Variants in ACOT1 observed in about 807,000 individuals in gnomAD.
The protein encoded by ACOT1 is acyl-CoA thioesterase 1.
ACOT1 carries 8 observed loss-of-function variants against 15.7 expected under a neutral mutation model. That is an observed-to-expected ratio of 0.51 (90% CI 0.30 to 0.92). The LOEUF (loss-of-function observed/expected upper bound fraction) is 0.92. ACOT1 is among the 40% of genes least tolerant of loss of function. The probability of loss-of-function intolerance (pLI) is 0.06; values close to 1 mark genes in which losing one functional copy is unlikely to be tolerated. For synonymous variants in ACOT1, 67 were observed against 241.2 expected, an observed-to-expected ratio of 0.28 and a Z score of 6.69; for missense variants, 151 against 539.4, an observed-to-expected ratio of 0.28 and a Z score of 7.13.
chr14:73,504,423 T>C, the ACOT1 span, among the ~76,000 whole-genome samples: 2 of 152,126 alleles, frequency 1.3e-5, no homozygotes, highest in African/African-American at 4.8e-5. Context: ...TTTTTATTTT[T>C]AGTAGAGACA....
At chr14:73,491,558 T>G in the ACOT1 span, 2 of 1,539,202 alleles carry the variant, frequency 1.3e-6, no homozygotes, top group Non-Finnish European at 1.7e-6. Flanking sequence ...GGAGCCGGCC[T>G]GGGACTCCCC....
the ACOT1 span, among the ~76,000 whole-genome samples, chr14:73,504,076 CT>C: frequency 0.34 from 42,836 of 127,472 alleles, 5,782 homozygotes; most frequent in Admixed American, 0.35. Flanking sequence ...TTTTGCATTT[CT>C]TTTTTTTTTT....
At chr14:73,495,671 G>T in the ACOT1 span, among the ~76,000 whole-genome samples, 2 of 152,142 alleles carry the variant, frequency 1.3e-5, no homozygotes, top group African/African-American at 4.8e-5. Context: ...TATGATATTG[G>T]TTGGAGATTT....
At chr14:73,506,804 G>GTTTTCTT in the ACOT1 span, among the ~76,000 whole-genome samples, 1 of 80,522 alleles carries the variant, frequency 1.2e-5, no homozygotes, top group Non-Finnish European at 2.2e-5. Flanking sequence ...GACTTTAACT[G>GTTTTCTT]TTTTTTTTTT....
chr14:73,507,236 G>A, the ACOT1 span, among the ~76,000 whole-genome samples: 166 of 152,288 alleles, frequency 1.1e-3, no homozygotes, highest in Middle Eastern at 3.4e-3. Context: ...TCTAGCAGAA[G>A]CAAATTCTAC....
upstream of ACOT1, among the ~76,000 whole-genome samples, chr14:73,535,493 T>C (rs1175850182): frequency 0.029 from 1,276 of 44,014 alleles, 307 homozygotes; most frequent in African/African-American, 0.12. Context: ...TTTTTTTTTT[T>C]TTTTTTTTTT....
At chr14:73,491,370 C>T in the ACOT1 span, 1 of 1,364,572 alleles carries the variant, frequency 7.3e-7, no homozygotes, top group East Asian at 3.1e-5. Context: ...CTGCAGACCC[C>T]GTCGGCGCGC....
the ACOT1 span, among the ~76,000 whole-genome samples, chr14:73,506,083 G>T: frequency 6.6e-6 from 1 of 151,454 alleles, no homozygotes; most frequent in Non-Finnish European, 1.5e-5. Flanking sequence ...TAGAGATGGA[G>T]TTTCACCATG....
At chr14:73,514,210 A>G in the ACOT1 span, 10 of 1,614,170 alleles carry the variant, frequency 6.2e-6, no homozygotes, top group Non-Finnish European at 8.5e-6. Context: ...AGTCCAGCGC[A>G]GGGCTCCTTG....
the ACOT1 span, among the ~76,000 whole-genome samples, chr14:73,504,274 G>A: frequency 6.8e-6 from 1 of 146,300 alleles, no homozygotes; most frequent in Non-Finnish European, 1.5e-5. Flanking sequence ...ACGGAGCCTC[G>A]CTCTGTTGCC....
the ACOT1 span, chr14:73,506,596 G>A: frequency 1.3e-6 from 2 of 1,527,238 alleles, no homozygotes; most frequent in Non-Finnish European, 1.8e-6. Context: ...GACTTGTATG[G>A]ATATTCACAA....
At chr14:73,500,425 C>A in the ACOT1 span, 27 of 1,044,314 alleles carry the variant, frequency 2.6e-5, no homozygotes, top group Non-Finnish European at 3.5e-5. Flanking sequence ...TTATACACCC[C>A]CTTCCCAGTT....
At chr14:73,506,422 G>T in the ACOT1 span, 2 of 1,422,966 alleles carry the variant, frequency 1.4e-6, no homozygotes, top group Non-Finnish European at 2.0e-6. Flanking sequence ...CTGTAGCTCA[G>T]CCTCTCTTAG....
the ACOT1 span, chr14:73,522,465 G>A: frequency 6.2e-7 from 1 of 1,614,204 alleles, no homozygotes; most frequent in Non-Finnish European, 8.5e-7. Flanking sequence ...CACTTGTTGG[G>A]GGATGCCCCA....
chr14:73,517,679 A>AG, the ACOT1 span, among the ~76,000 whole-genome samples: 29 of 149,816 alleles, frequency 1.9e-4, no homozygotes, highest in African/African-American at 5.7e-4. Flanking sequence ...AAAAAAAAAA[A>AG]AAGAAGAAGA....
At chr14:73,498,722 A>C in the ACOT1 span, among the ~76,000 whole-genome samples, 6 of 152,232 alleles carry the variant, frequency 3.9e-5, no homozygotes, top group East Asian at 1.9e-4. Context: ...GGTCTGTAGC[A>C]GTCTTGAAAC....
the ACOT1 span, among the ~76,000 whole-genome samples, chr14:73,506,226 C>T: frequency 1.3e-5 from 2 of 152,098 alleles, no homozygotes; most frequent in African/African-American, 4.8e-5. Context: ...AGTTTTTGTG[C>T]TATTTCATTG....
chr14:73,518,078 T>G, the ACOT1 span, among the ~76,000 whole-genome samples: 2 of 151,268 alleles, frequency 1.3e-5, no homozygotes, highest in Non-Finnish European at 1.5e-5. Flanking sequence ...AGAGCGAGAC[T>G]TTATCTCAAA....
At chr14:73,514,174 A>G in the ACOT1 span, 3 of 1,614,214 alleles carry the variant, frequency 1.9e-6, no homozygotes, top group South Asian at 3.3e-5. Flanking sequence ...CTGCAGCAGC[A>G]TATCCTTGGC....
Sources: allele counts gnomAD v4.1 joint callset (sites outside exome capture counted in the v4.1 genomes callset), GRCh38; gene constraint gnomAD v4.1.1; transcripts MANE v1.5; gene names NCBI Gene and HGNC (gene_info 2026-07-23, HGNC 2026-07-21).